Variants in LRRC2 observed in about 807,000 individuals in gnomAD.
LRRC2 encodes the protein leucine rich repeat containing 2.
Under a neutral mutation model 40.2 loss-of-function variants are expected in LRRC2, and 27 were observed. That is an observed-to-expected ratio of 0.67 (90% confidence interval 0.49 to 0.93). The LOEUF is 0.93. LRRC2 is among the 40% of genes least tolerant of loss of function. LRRC2 has a pLI of 0.00. For missense variants in LRRC2, 402 were observed against 439.6 expected, an observed-to-expected ratio of 0.91 and a Z score of 0.76; for synonymous variants, 147 against 158.9, an observed-to-expected ratio of 0.92 and a Z score of 0.56.
intron 4 of LRRC2, among the ~76,000 whole-genome samples, chr3:46,534,438 TTC>T (rs1290944384): frequency 7.4e-6 from 1 of 134,950 alleles, no homozygotes; most frequent in Non-Finnish European, 1.5e-5. Context: ...CTTTCTTTCT[TTC>T]TTTCTTTCTT....
chr3:46,537,309 G>A lies in LRRC2; in HGVS notation c.490+1736C>T, dbSNP rs947261320. ...GAGATGGGGTTTTGCCATGTTGCCC[G>A]GGCTGGTCTCAAACTCCTAGGCTCA... On this transcript the variant is annotated intron_variant, in intron 4 of 8. Coordinates refer to ENST00000395905, the MANE Select transcript of LRRC2 (RefSeq NM_024512.5). 1.2e-4 allele frequency among the ~76,000 whole-genome samples: 18 copies of A among 152,058 alleles called. 1 individual carries two copies. Among genetic ancestry groups the A allele is most frequent in the African/African-American group, 3.1e-4 (13 of 41,402 alleles).
intron 1 of LRRC2, among the ~76,000 whole-genome samples, chr3:46,554,579 T>C (rs1575361043): frequency 6.6e-6 from 1 of 150,834 alleles, no homozygotes; most frequent in Non-Finnish European, 1.5e-5. Context: ...GAGGCGGAGG[T>C]TGCAGTGAGC....
intron 3 of LRRC2, among the ~76,000 whole-genome samples, chr3:46,539,705 C>T (rs956895539): frequency 3.9e-5 from 6 of 152,168 alleles, no homozygotes; most frequent in East Asian, 1.9e-4. Flanking sequence ...ACCTGAGTTC[C>T]GGCCCAGGCC....
intron 2 of LRRC2, among the ~76,000 whole-genome samples, chr3:46,548,445 AT>A (rs1446656812): frequency 6.6e-6 from 1 of 152,240 alleles, no homozygotes; most frequent in African/African-American, 2.4e-5. Context: ...AGTAATTAAA[AT>A]AAATAAAATT....
At position 46,540,660 on chromosome 3, in the gene LRRC2, T is replaced by C. The variant is rs547183392; in HGVS notation, c.334-1459A>G. ...TGCAGAGCCTAGTGCAAAATGAAAA[T>C]GCAGGCACCTTGTTAAAAATTAAGA... On this transcript the variant is annotated intron_variant, in intron 3 of 8. Coordinates refer to ENST00000395905, the MANE Select transcript of LRRC2 (RefSeq NM_024512.5). Among the ~76,000 whole-genome samples, 7 of 152,188 alleles carry C rather than the reference T, an allele frequency of 4.6e-5. No homozygotes were observed. In the East Asian group the frequency reaches 1.4e-3, roughly 29 times the overall value.
chr3:46,529,544 T>A (rs1704121792), intron 6 of LRRC2, among the ~76,000 whole-genome samples: 2 of 152,246 alleles, frequency 1.3e-5, no homozygotes, highest in South Asian at 4.1e-4. Context: ...ATAAAATTTG[T>A]CCTCATTGAT....
At chr3:46,546,814 G>A (rs779423256) in intron 2 of LRRC2, among the ~76,000 whole-genome samples, 15 of 142,648 alleles carry the variant, frequency 1.1e-4, no homozygotes, top group Non-Finnish European at 1.5e-4. Flanking sequence ...CACCTCCCAC[G>A]TTCAAGCGAT....
intron 4 of LRRC2, among the ~76,000 whole-genome samples, chr3:46,535,431 CTT>C (rs1704253013): frequency 6.6e-6 from 1 of 152,152 alleles, no homozygotes; most frequent in Non-Finnish European, 1.5e-5. Flanking sequence ...ATATATATGA[CTT>C]AAATCTGGTA....
chr3:46,524,525 C>T (rs1704022619), intron 7 of LRRC2, among the ~76,000 whole-genome samples: 2 of 152,180 alleles, frequency 1.3e-5, no homozygotes, highest in Non-Finnish European at 2.9e-5. Context: ...CAGAGCGGTG[C>T]GCTCCTCGGC....
rs1321816155 is a variant in LRRC2, at chr3:46,563,430, C to T, written c.-20+2747G>A. On this transcript the variant is annotated intron_variant, in intron 1 of 8. Transcript: ENST00000395905. ...CCACCTCACCCCTCCTGCTCCCCTC[C>T]TCTGTGCTTATCCACCCCACGCCTC... Among the ~76,000 whole-genome samples the T allele has an allele frequency of 2.0e-5, 3 of 152,212 alleles. No homozygotes were observed. In the South Asian group the frequency reaches 6.2e-4, roughly 32 times the overall value.
At chr3:46,531,739 G>A (rs149583940) in intron 5 of LRRC2, among the ~76,000 whole-genome samples, 202 of 152,234 alleles carry the variant, frequency 1.3e-3, no homozygotes, top group Non-Finnish European at 2.4e-3. Context: ...TCCTAGGGTG[G>A]AATGGGTGCT....
chr3:46,565,280 G>T (rs1705032892), intron 1 of LRRC2, among the ~76,000 whole-genome samples: 1 of 152,154 alleles, frequency 6.6e-6, no homozygotes, highest in African/African-American at 2.4e-5. Flanking sequence ...TGAGAACACA[G>T]CCTAACCTCT....
chr3:46,529,616 G>T (rs954512909), intron 6 of LRRC2, among the ~76,000 whole-genome samples: 1 of 152,166 alleles, frequency 6.6e-6, no homozygotes, highest in Non-Finnish European at 1.5e-5. Flanking sequence ...TTCCACTTCT[G>T]TAGAGTGAAG....
chr3:46,531,158 T>C (rs1052702223), intron 5 of LRRC2, among the ~76,000 whole-genome samples: 10 of 151,760 alleles, frequency 6.6e-5, no homozygotes. Flanking sequence ...TAGATTTTTT[T>C]TTTTTTTTTT....
intron 6 of LRRC2, among the ~76,000 whole-genome samples, chr3:46,528,131 A>G (rs904805902): frequency 1.3e-5 from 2 of 152,214 alleles, no homozygotes; most frequent in Admixed American, 6.5e-5. Context: ...CGGGATAAGC[A>G]TACTGCACAA....
chr3:46,548,550 A>G lies in LRRC2; in HGVS notation c.125+2917T>C, dbSNP rs75646342. Among the ~76,000 whole-genome samples the G allele has an allele frequency of 7.9e-4, 102 of 128,544 alleles. No homozygotes were observed. The East Asian group carries it at 0.019, about 24-fold the overall frequency. 84.3% of individuals were successfully genotyped at this position (128,544 alleles called of 152,430 possible). A position where few individuals can be genotyped will look rare whatever the true frequency, so the allele number is the denominator to read the frequency against. ...AATGCCAAATATGCAATAAACATACAAAAAAAATGCCATTAGAGTTCTTCT... is the reference window on the plus strand; with the variant it reads ...AATGCCAAATATGCAATAAACATACGAAAAAAATGCCATTAGAGTTCTTCT... On this transcript the variant is annotated intron_variant, in intron 2 of 8. Coordinates refer to ENST00000395905, the MANE Select transcript of LRRC2 (RefSeq NM_024512.5).
At chr3:46,543,656 T>A (rs199506027) in intron 3 of LRRC2, among the ~76,000 whole-genome samples, 3,458 of 102,334 alleles carry the variant, frequency 0.034, 58 homozygotes, top group South Asian at 0.054. Flanking sequence ...TAATAAATAA[T>A]AAATACCCTT....
Position 46,519,050 on chromosome 3 carries a change from G to T in LRRC2, c.1080C>A (p.Ser360Arg). ...GGCTAAAAGACACTTTGGTGGTATA[G>T]CTGGGAACAGATTCTGTAACAGAAA... Reference protein sequence around the residue: ...EDLKERESVPSYTTKVSFSLQ... With the variant: ...EDLKERESVPRYTTKVSFSLQ... The change falls in exon 9 of 9, where the codon AGC becomes AGA. Residue 360 changes from serine to arginine, a missense_variant. Transcript: ENST00000395905. The T allele has an allele frequency of 6.2e-7, 1 of 1,609,460 alleles. No individual in the cohort carries two copies. The highest frequency in any genetic ancestry group is 8.5e-7 in the Non-Finnish European group (1 of 1,176,018).
rs71098416 is a variant in LRRC2 at position 46,546,715 on chromosome 3, C to CTTTTTTT, written c.126-1469_126-1463dup. ...CACCCCCAGAAACACCAATTTGCTCCTTTTTTTTTTTTTTTTTTTTTGAGA... is the reference window on the plus strand; with the variant it reads ...CACCCCCAGAAACACCAATTTGCTCCTTTTTTTTTTTTTTTTTTTTTTTTTTTTGAGA... On this transcript the variant is annotated intron_variant, in intron 2 of 8. Coordinates refer to ENST00000395905, the MANE Select transcript of LRRC2 (RefSeq NM_024512.5). 4.1e-4 allele frequency among the ~76,000 whole-genome samples: 44 copies of CTTTTTTT among 106,624 alleles called. 1 individual carries two copies. The highest frequency in any genetic ancestry group is 7.2e-4 in the African/African-American group (20 of 27,680). 69.9% of individuals were successfully genotyped at this position (106,624 alleles called of 152,430 possible). A position where few individuals can be genotyped will look rare whatever the true frequency, so the allele number is the denominator to read the frequency against.
Sources: gnomAD v4.1 joint callset for allele counts (sites outside exome capture counted in the v4.1 genomes callset) on GRCh38, gnomAD v4.1.1 for gene constraint, MANE v1.5 for transcripts, NCBI Gene and HGNC (gene_info 2026-07-23, HGNC 2026-07-21) for gene names.